Variants in ASTN1 observed in about 807,000 individuals in gnomAD.
The protein encoded by ASTN1 is astrotactin 1.
A neutral mutation model predicts 140.7 loss-of-function variants in ASTN1; 41 were observed. That is an observed-to-expected ratio of 0.29 (90% CI 0.23 to 0.38). The LOEUF (loss-of-function observed/expected upper bound fraction) is 0.38, where lower values mean the gene tolerates loss of function less well. Among genes scored for constraint, ASTN1 ranks in the 10% least tolerant of loss-of-function variants. ASTN1 has a pLI of 1.00. For missense variants in ASTN1, 1,479 were observed against 1,678.8 expected (o/e 0.88, Z 2.08); for synonymous variants, 640 against 652.2 (o/e 0.98, Z 0.29).
intron 8 of ASTN1, among the ~76,000 whole-genome samples, chr1:176,979,519 C>T (rs1673514372): frequency 6.6e-6 from 1 of 152,172 alleles, no homozygotes; most frequent in African/African-American, 2.4e-5. Flanking sequence ...TTTTTACCCC[C>T]TTGTATTTTT....
At chr1:176,991,412 T>TAA (rs1674155906) in intron 8 of ASTN1, among the ~76,000 whole-genome samples, 1 of 41,838 alleles carries the variant, frequency 2.4e-5, no homozygotes, top group Non-Finnish European at 4.2e-5. Context: ...AAACTCTGTC[T>TAA]CAAAAAAAAA....
chr1:176,954,762 A>G (rs1033923908), intron 11 of ASTN1, among the ~76,000 whole-genome samples: 6 of 152,064 alleles, frequency 3.9e-5, no homozygotes, highest in Non-Finnish European at 8.8e-5. Context: ...CCCTCATGAA[A>G]TTTCAGCAAT....
At chr1:177,077,385 C>A (rs1678968060) in intron 1 of ASTN1, among the ~76,000 whole-genome samples, 1 of 152,040 alleles carries the variant, frequency 6.6e-6, no homozygotes, top group Non-Finnish European at 1.5e-5. Flanking sequence ...GTATAATTTG[C>A]CGGTATAATT....
At chr1:176,897,072 C>A (rs1329990708) in intron 16 of ASTN1, among the ~76,000 whole-genome samples, 1 of 151,998 alleles carries the variant, frequency 6.6e-6, no homozygotes, top group East Asian at 1.9e-4. Flanking sequence ...GTCAAGAGTT[C>A]GAGACCAGCC....
chr1:177,004,656 A>G (rs1674907664), intron 8 of ASTN1, among the ~76,000 whole-genome samples: 1 of 152,114 alleles, frequency 6.6e-6, no homozygotes, highest in South Asian at 2.1e-4. Context: ...AGAATAGAGA[A>G]CCCAGAAATA....
chr1:176,997,483 A>G lies in ASTN1; in HGVS notation c.1523+17308T>C, dbSNP rs563780862. Among the ~76,000 whole-genome samples the G allele has an allele frequency of 5.8e-4, 88 of 152,134 alleles. No individual in the cohort carries two copies. The South Asian group carries it at 0.018, about 31-fold the overall frequency. Reference sequence around the variant, plus strand: ...GGATCAAATAGGGTGTCTGACACAGAGGATATCCTCAGAGGAGGTGATGGG... The same window carrying G: ...GGATCAAATAGGGTGTCTGACACAGGGGATATCCTCAGAGGAGGTGATGGG... On this transcript the variant is annotated intron_variant, in intron 8 of 22. Coordinates refer to ENST00000361833, the MANE Select transcript of ASTN1 (RefSeq NM_004319.3).
chr1:176,895,887 T>C (rs1669481538), intron 16 of ASTN1, among the ~76,000 whole-genome samples: 1 of 152,208 alleles, frequency 6.6e-6, no homozygotes, highest in East Asian at 1.9e-4. Context: ...GTCCTGAATG[T>C]GAAACAGCTT....
At chr1:177,037,947 T>A (rs1381600968) in intron 2 of ASTN1, among the ~76,000 whole-genome samples, 1 of 152,236 alleles carries the variant, frequency 6.6e-6, no homozygotes, top group Non-Finnish European at 1.5e-5. Context: ...AATTGACATT[T>A]TCAGCACTTA....
intron 8 of ASTN1, among the ~76,000 whole-genome samples, chr1:176,965,774 C>G (rs1182964370): frequency 3.3e-5 from 5 of 152,184 alleles, no homozygotes; most frequent in African/African-American, 1.2e-4. Flanking sequence ...AAGACTGCAG[C>G]TCATATAGGA....
chr1:176,931,564 A>T (rs560266559), intron 16 of ASTN1, among the ~76,000 whole-genome samples: 13 of 152,232 alleles, frequency 8.5e-5, no homozygotes, highest in Admixed American at 5.2e-4. Context: ...ATGGCAAACC[A>T]CATAGTGTTA....
chr1:176,978,243 A>T (rs930329413), intron 8 of ASTN1, among the ~76,000 whole-genome samples: 2 of 152,226 alleles, frequency 1.3e-5, no homozygotes, highest in African/African-American at 2.4e-5. Flanking sequence ...AAGCCATAAC[A>T]TGATGGTACC....
chr1:177,072,304 T>C (rs1029531375), intron 1 of ASTN1, among the ~76,000 whole-genome samples: 1 of 152,218 alleles, frequency 6.6e-6, no homozygotes. Flanking sequence ...AGTGTACAAA[T>C]CATATGGCAA....
chr1:176,932,028 C>A (rs1671224774), intron 16 of ASTN1, among the ~76,000 whole-genome samples: 1 of 152,188 alleles, frequency 6.6e-6, no homozygotes, highest in African/African-American at 2.4e-5. Context: ...TTGACTAAAG[C>A]AATATCACCT....
rs368841654 is a variant in ASTN1, at chr1:177,032,475, C to T, written c.846G>A (p.Ser282=). 10 of 1,613,876 alleles carry T rather than the reference C, an allele frequency of 6.2e-6. No homozygotes were observed. The highest frequency in any genetic ancestry group is 8.5e-6 in the Non-Finnish European group (10 of 1,179,968). ...CCCCACCTGGTGTGAGGTCCATCCCCGACTTTTCATTGCAGCCCTGCAGGG... is the reference window on the plus strand; with the variant it reads ...CCCCACCTGGTGTGAGGTCCATCCCTGACTTTTCATTGCAGCCCTGCAGGG... The part of the protein sequence containing the change: ...LDSLQGCNEK[S]GMDLTPGSDN... Residue 282 remains serine, a synonymous_variant, in exon 3 of 23, where the codon TCG becomes TCA. Coordinates refer to ENST00000361833, the MANE Select transcript of ASTN1 (RefSeq NM_004319.3).
At chr1:176,943,742 G>A (rs1671835807) in intron 14 of ASTN1, 149 bp downstream of exon 14, 1 of 997,838 alleles carries the variant, frequency 1.0e-6, no homozygotes, top group African/African-American at 1.7e-5. Context: ...AATCCTACTA[G>A]CATTCAGTTT....
At chr1:177,025,952 G>T (rs1200419520) in intron 5 of ASTN1, among the ~76,000 whole-genome samples, 1 of 152,174 alleles carries the variant, frequency 6.6e-6, no homozygotes, top group Non-Finnish European at 1.5e-5. Context: ...CTAGTCCCAG[G>T]AAACTACTAA....
chr1:176,935,434 T>C (rs1053239937), intron 15 of ASTN1, among the ~76,000 whole-genome samples: 6 of 152,232 alleles, frequency 3.9e-5, no homozygotes, highest in Non-Finnish European at 7.3e-5. Flanking sequence ...GAAGAGTTTC[T>C]GTCAGTGAGG....
intron 14 of ASTN1, among the ~76,000 whole-genome samples, chr1:176,938,067 C>A (rs1172711398): frequency 6.6e-6 from 1 of 152,196 alleles, no homozygotes; most frequent in Non-Finnish European, 1.5e-5. Flanking sequence ...CTTAGGCAAT[C>A]AAAGGTAAGC....
intron 8 of ASTN1, among the ~76,000 whole-genome samples, chr1:176,967,905 C>T (rs533014083): frequency 5.4e-4 from 81 of 151,060 alleles, no homozygotes; most frequent in Non-Finnish European, 9.3e-4. Flanking sequence ...GTAGACCCCA[C>T]CCTGATCACA....
Sources: gnomAD v4.1 joint callset for allele counts (sites outside exome capture counted in the v4.1 genomes callset) on GRCh38, gnomAD v4.1.1 for gene constraint, MANE v1.5 for transcripts, NCBI Gene and HGNC (gene_info 2026-07-23, HGNC 2026-07-21) for gene names.